CACNB2: variants seen among roughly 807,000 people sequenced by gnomAD.
CACNB2 encodes calcium voltage-gated channel auxiliary subunit beta 2.
In CACNB2, 42 loss-of-function variants were observed where a neutral mutation model predicts 73.3. The ratio of observed to expected loss-of-function variants is 0.57; its 90% CI spans 0.45 to 0.74. The LOEUF is 0.74. Ranked by LOEUF, CACNB2 falls within the 30% of genes least tolerant of loss-of-function variation. CACNB2 has a pLI of 0.00. For missense variants in CACNB2, 940 were observed against 853.0 expected (o/e 1.10, Z -1.27); for synonymous variants, 348 against 310.3 (o/e 1.12, Z -1.28).
chr10:18,174,651 G>A (rs1383082722), intron 2 of CACNB2, among the ~76,000 whole-genome samples: 3 of 152,038 alleles, frequency 2.0e-5, no homozygotes, highest in South Asian at 4.2e-4. Context: ...TGATCCACCC[G>A]CCTTGGCCTC....
At chr10:18,351,895 A>T (rs903753983) in intron 2 of CACNB2, among the ~76,000 whole-genome samples, 2 of 152,206 alleles carry the variant, frequency 1.3e-5, no homozygotes, top group African/African-American at 2.4e-5. Context: ...AGTTTTTGCA[A>T]ACCAAAGGAA....
chr10:18,350,890 C>G (rs1176346786), intron 2 of CACNB2, among the ~76,000 whole-genome samples: 1 of 152,138 alleles, frequency 6.6e-6, no homozygotes, highest in Non-Finnish European at 1.5e-5. Flanking sequence ...TCACTGTGGC[C>G]TTGTACTCCT....
intron 2 of CACNB2, among the ~76,000 whole-genome samples, chr10:18,385,764 A>G (rs1456989486): frequency 6.7e-6 from 1 of 148,200 alleles, no homozygotes; most frequent in African/African-American, 2.4e-5. Flanking sequence ...TAACCTGTAA[A>G]ATACATCTTG....
chr10:18,529,482 G>A (rs552422052), intron 10 of CACNB2, among the ~76,000 whole-genome samples: 2 of 152,344 alleles, frequency 1.3e-5, no homozygotes, highest in East Asian at 3.9e-4. Flanking sequence ...CCAAAGAGCT[G>A]TTGCTGCAGG....
At chr10:18,358,642 A>T (rs1443181283) in intron 2 of CACNB2, among the ~76,000 whole-genome samples, 1 of 151,580 alleles carries the variant, frequency 6.6e-6, no homozygotes, top group Non-Finnish European at 1.5e-5. Context: ...TGCTTGAGAC[A>T]TGCCAAGTTT....
intron 3 of CACNB2, among the ~76,000 whole-genome samples, chr10:18,490,558 C>T (rs930165897): frequency 6.6e-6 from 1 of 152,154 alleles, no homozygotes. Flanking sequence ...CTCCAGGTCT[C>T]ACACTGGCCT....
chr10:18,263,303 C>A (rs1387545279), intron 2 of CACNB2, among the ~76,000 whole-genome samples: 1 of 152,174 alleles, frequency 6.6e-6, no homozygotes, highest in Non-Finnish European at 1.5e-5. Context: ...AGTCTAGAGG[C>A]TGCTCATTGA....
intron 3 of CACNB2, among the ~76,000 whole-genome samples, chr10:18,491,694 A>C (rs914410242): frequency 1.3e-5 from 2 of 152,174 alleles, no homozygotes; most frequent in Non-Finnish European, 2.9e-5. Context: ...GCTCTTTACC[A>C]TTCTGAGATT....
intron 2 of CACNB2, among the ~76,000 whole-genome samples, chr10:18,208,614 A>AAAAAT (rs1219042360): frequency 2.0e-5 from 3 of 152,100 alleles, no homozygotes; most frequent in Non-Finnish European, 4.4e-5. Context: ...CCTGTCTCAA[A>AAAAAT]AAAATAAAAT....
At chr10:18,336,841 A>G (rs1329996481) in intron 2 of CACNB2, among the ~76,000 whole-genome samples, 1 of 152,224 alleles carries the variant, frequency 6.6e-6, no homozygotes, top group Admixed American at 6.5e-5. Context: ...AGAAAATTAG[A>G]TAATCCTTGG....
chr10:18,433,434 C>T (rs7080623), intron 3 of CACNB2, among the ~76,000 whole-genome samples: 47,482 of 151,996 alleles, frequency 0.31, 8,551 homozygotes, highest in East Asian at 0.59. Flanking sequence ...CTGCACAGAA[C>T]TCTGTTGATT....
chr10:18,433,647 G>C (rs1391555720), intron 3 of CACNB2, among the ~76,000 whole-genome samples: 1 of 151,156 alleles, frequency 6.6e-6, no homozygotes, highest in East Asian at 1.9e-4. Context: ...GTCTGTGAGT[G>C]ATATTTAAGG....
intron 2 of CACNB2, among the ~76,000 whole-genome samples, chr10:18,388,236 A>G (rs1303170659): frequency 6.6e-6 from 1 of 152,228 alleles, no homozygotes; most frequent in Non-Finnish European, 1.5e-5. Context: ...ATAGGATATA[A>G]ACTACTTTTG....
intron 2 of CACNB2, among the ~76,000 whole-genome samples, chr10:18,224,545 C>T (rs527675895): frequency 3.9e-5 from 6 of 152,142 alleles, no homozygotes; most frequent in Non-Finnish European, 8.8e-5. Context: ...GACAGATGCT[C>T]ATATTCTCAT....
chr10:18,537,941 T>TA (rs2053767321), intron 12 of CACNB2, among the ~76,000 whole-genome samples: 1 of 152,198 alleles, frequency 6.6e-6, no homozygotes, highest in Non-Finnish European at 1.5e-5. Context: ...GCCATGTCCT[T>TA]AACAACTGTT....
At chr10:18,183,562 A>G (rs771215900) in intron 2 of CACNB2, among the ~76,000 whole-genome samples, 4 of 152,202 alleles carry the variant, frequency 2.6e-5, no homozygotes, top group South Asian at 2.1e-4. Context: ...GAGAGCTTGT[A>G]CAGGGGAACC....
At chr10:18,170,531 T>C (rs1330112906) in intron 2 of CACNB2, among the ~76,000 whole-genome samples, 1 of 152,212 alleles carries the variant, frequency 6.6e-6, no homozygotes, top group African/African-American at 2.4e-5. Context: ...AGAACATGCA[T>C]TCAGAGTCAT....
chr10:18,249,998 C>T (rs774723156), intron 2 of CACNB2, among the ~76,000 whole-genome samples: 1 of 152,200 alleles, frequency 6.6e-6, no homozygotes, highest in Non-Finnish European at 1.5e-5. Flanking sequence ...CAACTGGACT[C>T]ATTCTTGGAT....
intron 2 of CACNB2, among the ~76,000 whole-genome samples, chr10:18,166,722 C>T (rs1308653539): frequency 3.3e-5 from 5 of 152,006 alleles, no homozygotes; most frequent in Non-Finnish European, 7.4e-5. Context: ...GAGAAAAGAA[C>T]ATCACACTCT....
Sources: gnomAD v4.1 joint callset for allele counts (sites outside exome capture counted in the v4.1 genomes callset) on GRCh38, gnomAD v4.1.1 for gene constraint, MANE v1.5 for transcripts, NCBI Gene and HGNC (gene_info 2026-07-23, HGNC 2026-07-21) for gene names.